KCND2: variants seen among roughly 807,000 people sequenced by gnomAD.
KCND2 encodes A-type voltage-gated potassium channel KCND2.
Under a neutral mutation model 54.4 loss-of-function variants are expected in KCND2, and 16 were observed. The ratio of observed to expected loss-of-function variants is 0.29; its 90% confidence interval spans 0.20 to 0.45. The LOEUF is 0.45. Among genes scored for constraint, KCND2 ranks in the 20% least tolerant of loss-of-function variants. The probability of loss-of-function intolerance (pLI) is 1.00; values close to 1 mark genes in which losing one functional copy is unlikely to be tolerated. For synonymous variants in KCND2, 317 were observed against 310.7 expected, an observed-to-expected ratio of 1.02 and a Z score of -0.21; for missense variants, 486 against 824.2, an observed-to-expected ratio of 0.59 and a Z score of 5.02.
At chr7:120,573,725 CTT>C (rs1037429126) in intron 1 of KCND2, among the ~76,000 whole-genome samples, 10 of 151,954 alleles carry the variant, frequency 6.6e-5, no homozygotes, top group Middle Eastern at 3.2e-3. Context: ...GGGTGAATGT[CTT>C]TATCAGAAAA....
chr7:120,379,825 C>G lies in KCND2; in HGVS notation c.1115+104078C>G, dbSNP rs905409050. On this transcript the variant is annotated intron_variant, in intron 1 of 5. Coordinates refer to ENST00000331113, the MANE Select transcript of KCND2 (RefSeq NM_012281.3). ...TGTCTAGATAGTGGAACCACAAAGT[C>G]AAGGCACCTCAGATTACTGAGACAC... Among the ~76,000 whole-genome samples the G allele has an allele frequency of 3.3e-5, 5 of 152,140 alleles. No individual in the cohort carries two copies. The East Asian group carries it at 7.8e-4, about 24-fold the overall frequency.
At chr7:120,575,740 T>C (rs1792424091) in intron 1 of KCND2, among the ~76,000 whole-genome samples, 1 of 152,130 alleles carries the variant, frequency 6.6e-6, no homozygotes, top group African/African-American at 2.4e-5. Context: ...AACGAATACG[T>C]TCTTATTTAG....
At chr7:120,654,812 A>G (rs1791781218) in intron 1 of KCND2, among the ~76,000 whole-genome samples, 1 of 152,180 alleles carries the variant, frequency 6.6e-6, no homozygotes, top group Non-Finnish European at 1.5e-5. Flanking sequence ...AGATATAAAT[A>G]TAAACACAGC....
intron 1 of KCND2, among the ~76,000 whole-genome samples, chr7:120,390,696 A>T (rs559454400): frequency 6.6e-6 from 1 of 152,106 alleles, no homozygotes; most frequent in East Asian, 1.9e-4. Flanking sequence ...CATTTTGTTT[A>T]TCAAAAAATA....
chr7:120,456,963 C>G (rs68153227), intron 1 of KCND2, among the ~76,000 whole-genome samples: 10,138 of 152,258 alleles, frequency 0.067, 1,086 homozygotes, highest in East Asian at 0.52. Flanking sequence ...GGAGGTTCCA[C>G]AACCTCAATT....
At chr7:120,343,873 A>G (rs1488630275) in intron 1 of KCND2, among the ~76,000 whole-genome samples, 1 of 152,178 alleles carries the variant, frequency 6.6e-6, no homozygotes, top group Non-Finnish European at 1.5e-5. Flanking sequence ...GCACTTGCAA[A>G]TGAGCCTTTA....
At chr7:120,328,768 G>A (rs771450089) in intron 1 of KCND2, among the ~76,000 whole-genome samples, 7 of 151,966 alleles carry the variant, frequency 4.6e-5, no homozygotes, top group African/African-American at 7.2e-5. Context: ...TATAAGAAAC[G>A]TAGATTTTAA....
chr7:120,733,798 G>A (rs748340105), intron 2 of KCND2, among the ~76,000 whole-genome samples: 12 of 152,070 alleles, frequency 7.9e-5, no homozygotes, highest in South Asian at 2.1e-4. Flanking sequence ...TAAGCATAGC[G>A]TACACTCAAC....
chr7:120,745,569 G>A (rs557839768), intron 4 of KCND2, among the ~76,000 whole-genome samples: 7 of 152,022 alleles, frequency 4.6e-5, no homozygotes, highest in Admixed American at 2.0e-4. Flanking sequence ...GCCTACAGAT[G>A]TCAATCTCTA....
At chr7:120,719,539 C>T (rs1340672637) in intron 1 of KCND2, among the ~76,000 whole-genome samples, 1 of 152,126 alleles carries the variant, frequency 6.6e-6, no homozygotes, top group East Asian at 1.9e-4. Context: ...ACACATTGTA[C>T]ATTTCCATTT....
At chr7:120,474,227 C>T (rs1802500976) in intron 1 of KCND2, among the ~76,000 whole-genome samples, 1 of 152,166 alleles carries the variant, frequency 6.6e-6, no homozygotes, top group African/African-American at 2.4e-5. Context: ...CTGTGGACAC[C>T]ACATGGCAGC....
At chr7:120,606,156 T>A (rs903270902) in intron 1 of KCND2, among the ~76,000 whole-genome samples, 2 of 152,326 alleles carry the variant, frequency 1.3e-5, no homozygotes, top group African/African-American at 4.8e-5. Context: ...CCATTCAACA[T>A]CTTTTTCTTT....
intron 1 of KCND2, among the ~76,000 whole-genome samples, chr7:120,714,849 G>T (rs1428645121): frequency 7.2e-6 from 1 of 138,710 alleles, no homozygotes; most frequent in Non-Finnish European, 1.5e-5. Context: ...AAATTTAGTT[G>T]TATCGGGTAT....
At chr7:120,503,972 G>T (rs577331094) in intron 1 of KCND2, among the ~76,000 whole-genome samples, 4 of 151,712 alleles carry the variant, frequency 2.6e-5, no homozygotes, top group Non-Finnish European at 4.4e-5. Flanking sequence ...TTCTTGTATC[G>T]TTCTAAAACA....
At chr7:120,689,937 G>C (rs1165683872) in intron 1 of KCND2, among the ~76,000 whole-genome samples, 1 of 152,146 alleles carries the variant, frequency 6.6e-6, no homozygotes, top group Admixed American at 6.6e-5. Flanking sequence ...GTATTTGCTA[G>C]TGCCTGTCTC....
chr7:120,509,694 A>G (rs1803083003), intron 1 of KCND2, among the ~76,000 whole-genome samples: 1 of 152,058 alleles, frequency 6.6e-6, no homozygotes, highest in South Asian at 2.1e-4. Flanking sequence ...AAGTTGCTAC[A>G]ATAGTTTTGT....
chr7:120,553,806 C>G (rs1881024), intron 1 of KCND2, among the ~76,000 whole-genome samples: 140,900 of 152,270 alleles, frequency 0.93, 65,779 homozygotes, highest in Middle Eastern at 0.99. Flanking sequence ...CAGGAGAAAA[C>G]GAGATTTCTA....
At chr7:120,380,502 A>C (rs1329969958) in intron 1 of KCND2, among the ~76,000 whole-genome samples, 2 of 152,096 alleles carry the variant, frequency 1.3e-5, no homozygotes, top group Non-Finnish European at 2.9e-5. Flanking sequence ...TAAGAAAAAT[A>C]AAAGACAATA....
chr7:120,513,921 C>G (rs1226838923), intron 1 of KCND2, among the ~76,000 whole-genome samples: 1 of 152,096 alleles, frequency 6.6e-6, no homozygotes, highest in Non-Finnish European at 1.5e-5. Context: ...TGCCACTACT[C>G]TAGCAAAACA....
Sources: gnomAD v4.1 joint callset for allele counts (sites outside exome capture counted in the v4.1 genomes callset) on GRCh38, gnomAD v4.1.1 for gene constraint, MANE v1.5 for transcripts, NCBI Gene and HGNC (gene_info 2026-07-23, HGNC 2026-07-21) for gene names.